The following YIPF7 variants were observed in gnomAD, a reference collection of about 807,000 sequenced individuals.
The protein encoded by YIPF7 is Yip1 domain family member 7.
YIPF7 carries 35 observed loss-of-function variants against 27.2 expected under a neutral mutation model. That is an observed-to-expected ratio of 1.29 (90% CI 0.98 to 1.70). The LOEUF (loss-of-function observed/expected upper bound fraction) is 1.70. YIPF7 is among the 40% of genes most tolerant of loss of function. YIPF7 has a pLI of 0.00. For synonymous variants in YIPF7, 137 were observed against 110.4 expected (o/e 1.24, Z -1.51); for missense variants, 358 against 303.7 (o/e 1.18, Z -1.33).
At chr4:44,659,179 C>G (rs1366301505) in intron 2 of YIPF7, among the ~76,000 whole-genome samples, 6 of 151,986 alleles carry the variant, frequency 3.9e-5, no homozygotes, top group Non-Finnish European at 5.9e-5. Context: ...TACAGAGCCA[C>G]AGCGTACTGG....
chr4:44,625,851 A>G (rs912345925), intron 4 of YIPF7, among the ~76,000 whole-genome samples: 8 of 152,160 alleles, frequency 5.3e-5, no homozygotes, highest in East Asian at 1.9e-4. Context: ...AATTTTTTAT[A>G]TTTACATTAT....
upstream of YIPF7, among the ~76,000 whole-genome samples, chr4:44,654,253 G>T (rs566850720): frequency 2.6e-5 from 4 of 152,210 alleles, no homozygotes; most frequent in African/African-American, 9.6e-5. Flanking sequence ...TTGAAGAACA[G>T]AGTGTAGATT....
chr4:44,642,540 A>G (rs1479967748), intron 2 of YIPF7, among the ~76,000 whole-genome samples: 2 of 152,142 alleles, frequency 1.3e-5, no homozygotes, highest in Non-Finnish European at 2.9e-5. Flanking sequence ...TGATCCAAAA[A>G]ATCTGTAAAT....
intron 5 of YIPF7, among the ~76,000 whole-genome samples, chr4:44,624,266 G>A (rs1361098492): frequency 1.3e-5 from 2 of 151,812 alleles, no homozygotes; most frequent in South Asian, 2.1e-4. Context: ...GTTTCTCCAC[G>A]CTGGTTAGGC....
chr4:44,638,967 T>G (rs1269873603), intron 2 of YIPF7, among the ~76,000 whole-genome samples: 1 of 152,226 alleles, frequency 6.6e-6, no homozygotes, highest in Non-Finnish European at 1.5e-5. Context: ...CAACTTATGT[T>G]GTTGTCAGCT....
At chr4:44,644,394 T>C (rs1241673436) in intron 2 of YIPF7, among the ~76,000 whole-genome samples, 1 of 152,232 alleles carries the variant, frequency 6.6e-6, no homozygotes, top group East Asian at 1.9e-4. Flanking sequence ...TATGAATTTG[T>C]GTTGGGCCAC....
chr4:44,630,591 A>G (rs925675724), intron 3 of YIPF7, among the ~76,000 whole-genome samples: 4 of 152,206 alleles, frequency 2.6e-5, no homozygotes, highest in Non-Finnish European at 2.9e-5. Flanking sequence ...ACATGGTAGT[A>G]TTCAAATAAA....
rs915351679 is a variant in YIPF7 at position 44,622,178 on chromosome 4, T to C, written c.*236A>G. ...GCAGGGTTGATCAGTACAGCAACTG[T>C]ATCCCTTTTGATTTTAAGTATTTTG... On this transcript the variant is annotated 3_prime_UTR_variant, in exon 6 of 6. Coordinates refer to ENST00000415895, the MANE Select transcript of YIPF7 (RefSeq NM_182592.3). The C allele has an allele frequency of 1.5e-5, 8 of 519,036 alleles. No individual in the cohort carries two copies. The highest frequency in any genetic ancestry group is 2.7e-5 in the Non-Finnish European group (8 of 291,832). The allele number at this position is 519,036 out of a possible 1,614,324, so 32.2% of individuals were successfully genotyped here.
chr4:44,633,301 A>G (rs1227190853), intron 3 of YIPF7, among the ~76,000 whole-genome samples: 1 of 152,228 alleles, frequency 6.6e-6, no homozygotes, highest in Non-Finnish European at 1.5e-5. Flanking sequence ...AATCTATTAC[A>G]TATTTTCTAT....
chr4:44,636,088 A>G lies in YIPF7; in HGVS notation c.117-3T>C, dbSNP rs1371287314. On this transcript the variant is annotated splice_region_variant and splice_polypyrimidine_tract_variant and intron_variant, in intron 2 of 5. Transcript: ENST00000415895. ...GAGGCTGCTCACCAGCTTGTTGTCT[A>G]GAAAAAGAAAAATACAAACATTTAC... 6.3e-7 allele frequency: 1 copy of G among 1,597,528 alleles called. No homozygotes were observed. Among genetic ancestry groups the G allele is most frequent in the Non-Finnish European group, 8.5e-7 (1 of 1,171,422 alleles).
chr4:44,637,791 T>C (rs1713181839), intron 2 of YIPF7, among the ~76,000 whole-genome samples: 1 of 152,158 alleles, frequency 6.6e-6, no homozygotes, highest in African/African-American at 2.4e-5. Context: ...ATTATTCTTA[T>C]GCCCTTGCAT....
chr4:44,639,498 T>C (rs1713251124), intron 2 of YIPF7, among the ~76,000 whole-genome samples: 3 of 152,318 alleles, frequency 2.0e-5, no homozygotes, highest in African/African-American at 7.2e-5. Context: ...TAGACAGTTA[T>C]TGCTGTATAG....
intron 2 of YIPF7, among the ~76,000 whole-genome samples, chr4:44,637,172 T>C (rs1713155981): frequency 1.3e-5 from 2 of 152,222 alleles, no homozygotes; most frequent in African/African-American, 4.8e-5. Context: ...GTTAATTTCA[T>C]ATCTTTGCTA....
chr4:44,658,872 C>T (rs73249433), intron 2 of YIPF7, among the ~76,000 whole-genome samples: 5 of 152,108 alleles, frequency 3.3e-5, no homozygotes, highest in African/African-American at 7.2e-5. Flanking sequence ...CTCCATGATT[C>T]GATTATCTTC....
At chr4:44,630,266 C>A (rs1364558367) in intron 3 of YIPF7, among the ~76,000 whole-genome samples, 1 of 152,180 alleles carries the variant, frequency 6.6e-6, no homozygotes, top group Admixed American at 6.5e-5. Flanking sequence ...CCACACCTGG[C>A]CCTTTTCCTG....
At chr4:44,651,106 C>A (rs1713725582) in intron 1 of YIPF7, among the ~76,000 whole-genome samples, 1 of 152,054 alleles carries the variant, frequency 6.6e-6, no homozygotes, top group African/African-American at 2.4e-5. Context: ...AATGAAATTG[C>A]ATAAACAGCC....
intron 2 of YIPF7, among the ~76,000 whole-genome samples, chr4:44,644,988 C>T (rs1180769810): frequency 1.3e-5 from 2 of 152,166 alleles, no homozygotes; most frequent in Non-Finnish European, 1.5e-5. Flanking sequence ...TCTGAGACTC[C>T]TGCTCTTGCT....
chr4:44,650,354 G>T (rs1477548453), intron 1 of YIPF7, among the ~76,000 whole-genome samples: 1 of 152,126 alleles, frequency 6.6e-6, no homozygotes, highest in Non-Finnish European at 1.5e-5. Flanking sequence ...TTAATAACTT[G>T]ACTTTAATTC....
rs564198643 is a variant in YIPF7, at chr4:44,636,029, A to G, written c.173T>C (p.Met58Thr). 14 of 1,613,908 alleles carry G rather than the reference A, an allele frequency of 8.7e-6. No homozygotes were observed. The highest frequency in any genetic ancestry group is 1.2e-5 in the Non-Finnish European group (14 of 1,179,812). ...AAATTGTCCTGCGTAACCCGATGAC[A>G]TGAGCATCTCTGATGGAACAAAGGA... ...PASFVPSEML[M>T]SSGYAGQFFQ... The change falls in exon 3 of 6, where the codon ATG (methionine) becomes ACG (threonine). Residue 58 changes from methionine to threonine, a missense_variant. By Grantham distance (81) the Met-to-Thr change is moderately conservative (BLOSUM62 -1). Coordinates refer to ENST00000415895, the MANE Select transcript of YIPF7 (RefSeq NM_182592.3).
Sources: gnomAD v4.1 joint callset for allele counts (sites outside exome capture counted in the v4.1 genomes callset) on GRCh38, gnomAD v4.1.1 for gene constraint, MANE v1.5 for transcripts, NCBI Gene and HGNC (gene_info 2026-07-23, HGNC 2026-07-21) for gene names.